IL1RAPL2: variants seen among roughly 807,000 people sequenced by gnomAD.
IL1RAPL2 encodes interleukin 1 receptor accessory protein like 2.
IL1RAPL2 carries 3 observed loss-of-function variants against 44.1 expected under a neutral mutation model. The ratio of observed to expected loss-of-function variants is 0.07; its 90% confidence interval spans 0.03 to 0.18. IL1RAPL2 has a LOEUF of 0.18. Among genes scored for constraint, IL1RAPL2 ranks in the 10% least tolerant of loss-of-function variants. The probability of loss-of-function intolerance (pLI) is 1.00; values close to 1 mark genes in which losing one functional copy is unlikely to be tolerated. For synonymous variants in IL1RAPL2, 181 were observed against 178.8 expected (o/e 1.01, Z -0.10); for missense variants, 391 against 496.4 (o/e 0.79, Z 2.02).
chrX:104,730,572 A>G (rs1931891379), intron 2 of IL1RAPL2, among the ~76,000 whole-genome samples: 1 of 105,229 alleles, frequency 9.5e-6, no homozygotes, highest in Non-Finnish European at 2.0e-5. Context: ...TTATGGCTGC[A>G]TAGTATTCCA....
At chrX:104,973,709 T>A (rs1000447129) in intron 2 of IL1RAPL2, among the ~76,000 whole-genome samples, 6 of 112,018 alleles carry the variant, frequency 5.4e-5, no homozygotes, top group African/African-American at 9.7e-5. Flanking sequence ...ACACAAAAAA[T>A]TTATTTTATA....
chrX:105,009,494 C>G (rs1338825333), intron 2 of IL1RAPL2, among the ~76,000 whole-genome samples: 1 of 104,298 alleles, frequency 9.6e-6, no homozygotes, highest in Non-Finnish European at 1.9e-5. Context: ...CAAACTATCG[C>G]AAGGACAAAA....
At chrX:105,374,814 G>C (rs1478355652) in intron 5 of IL1RAPL2, among the ~76,000 whole-genome samples, 3 of 108,110 alleles carry the variant, frequency 2.8e-5, no homozygotes, top group Non-Finnish European at 5.8e-5. Context: ...CGGGCGCGGT[G>C]GTGGGCACCT....
At chrX:105,394,202 C>A (rs1260319775) in intron 5 of IL1RAPL2, among the ~76,000 whole-genome samples, 1 of 111,691 alleles carries the variant, frequency 9.0e-6, no homozygotes, top group Non-Finnish European at 1.9e-5. Context: ...ATGAAAGTAG[C>A]CATTAGAAAA....
At chrX:104,641,373 G>C (rs914533237) in intron 1 of IL1RAPL2, among the ~76,000 whole-genome samples, 1 of 111,487 alleles carries the variant, frequency 9.0e-6, no homozygotes, top group African/African-American at 3.3e-5. Flanking sequence ...CTAATGGTGA[G>C]AGATGGTACC....
intron 6 of IL1RAPL2, among the ~76,000 whole-genome samples, chrX:105,675,133 C>A (rs756152577): frequency 9.0e-5 from 10 of 111,241 alleles, no homozygotes; most frequent in Non-Finnish European, 1.7e-4. Context: ...TTCCTCCCTT[C>A]CGATTTGAAT....
chrX:105,675,742 C>T lies in IL1RAPL2; in HGVS notation c.773-41625C>T, dbSNP rs1314716135. 4.5e-5 allele frequency among the ~76,000 whole-genome samples: 5 copies of T among 111,216 alleles called. No individual in the cohort carries two copies. The East Asian group carries it at 1.4e-3, about 31-fold the overall frequency. ...GTAGTTTCAGAAGAAATGGTATCAGCTCCTCTTTATATTTATGGTAGAATT... is the reference window on the plus strand; with the variant it reads ...GTAGTTTCAGAAGAAATGGTATCAGTTCCTCTTTATATTTATGGTAGAATT... On this transcript the variant is annotated intron_variant, in intron 6 of 10. Coordinates refer to ENST00000372582, the MANE Select transcript of IL1RAPL2 (RefSeq NM_017416.2).
chrX:104,872,310 T>C (rs1240869041), intron 2 of IL1RAPL2, among the ~76,000 whole-genome samples: 1 of 111,822 alleles, frequency 8.9e-6, no homozygotes, highest in African/African-American at 3.2e-5. Context: ...AGTTTCAACC[T>C]TTCTGGGACC....
intron 2 of IL1RAPL2, among the ~76,000 whole-genome samples, chrX:105,032,186 T>C (rs1360998982): frequency 9.0e-6 from 1 of 110,676 alleles, no homozygotes; most frequent in East Asian, 2.8e-4. Context: ...AGCCCCTGGA[T>C]TCATTAATTT....
intron 2 of IL1RAPL2, among the ~76,000 whole-genome samples, chrX:105,119,620 T>G (rs944182535): frequency 0.18 from 9 of 51 alleles, no homozygotes; most frequent in African/African-American, 0.39. Flanking sequence ...CTATTTAGTC[T>G]TTGTTTTCTC....
At chrX:105,345,916 G>A (rs1198803957) in intron 5 of IL1RAPL2, among the ~76,000 whole-genome samples, 1 of 111,597 alleles carries the variant, frequency 9.0e-6, no homozygotes, top group Admixed American at 9.6e-5. Context: ...CATACCAACA[G>A]TATAATAAAA....
chrX:105,237,406 T>C (rs1271877204), intron 4 of IL1RAPL2, among the ~76,000 whole-genome samples: 2 of 112,070 alleles, frequency 1.8e-5, no homozygotes, highest in Non-Finnish European at 3.8e-5. Context: ...TCTAGATCCC[T>C]GAGGAATCGC....
chrX:104,662,943 C>T (rs1168579003), intron 2 of IL1RAPL2, among the ~76,000 whole-genome samples: 1 of 111,703 alleles, frequency 9.0e-6, no homozygotes, highest in African/African-American at 3.3e-5. Context: ...AGCACAAAAA[C>T]TTCTCAGTGT....
At chrX:105,751,293 A>G (rs1025235796) in intron 9 of IL1RAPL2, among the ~76,000 whole-genome samples, 2 of 110,404 alleles carry the variant, frequency 1.8e-5, no homozygotes, top group Non-Finnish European at 3.8e-5. Context: ...AAAAGAATAA[A>G]ATAAATAAAA....
intron 5 of IL1RAPL2, among the ~76,000 whole-genome samples, chrX:105,459,994 A>G: frequency 9.0e-6 from 1 of 111,488 alleles, no homozygotes; most frequent in East Asian, 2.8e-4. Flanking sequence ...CTAAATCAGG[A>G]TGCCACAATT....
chrX:105,236,412 A>T (rs1471338679), intron 4 of IL1RAPL2, among the ~76,000 whole-genome samples: 1 of 112,399 alleles, frequency 8.9e-6, no homozygotes, highest in Non-Finnish European at 1.9e-5. Context: ...ATGTTAGCTA[A>T]CATTTCCTAA....
intron 6 of IL1RAPL2, among the ~76,000 whole-genome samples, chrX:105,568,935 G>T (rs2036994684): frequency 1.8e-5 from 2 of 111,724 alleles, no homozygotes; most frequent in African/African-American, 6.5e-5. Flanking sequence ...GATTTCTGGA[G>T]TACCATCACT....
At chrX:104,693,349 C>T (rs1047244344) in intron 2 of IL1RAPL2, among the ~76,000 whole-genome samples, 20 of 111,675 alleles carry the variant, frequency 1.8e-4, no homozygotes, top group African/African-American at 6.2e-4. Flanking sequence ...GAACCCTCTA[C>T]CCTGTCTATC....
chrX:105,075,611 G>A (rs1179179628), intron 2 of IL1RAPL2, among the ~76,000 whole-genome samples: 1 of 112,033 alleles, frequency 8.9e-6, no homozygotes, highest in Non-Finnish European at 1.9e-5. Flanking sequence ...AGTTTCAGAA[G>A]GAATGGTACC....
Sources: gnomAD v4.1 joint callset for allele counts (sites outside exome capture counted in the v4.1 genomes callset) on GRCh38, gnomAD v4.1.1 for gene constraint, MANE v1.5 for transcripts, NCBI Gene and HGNC (gene_info 2026-07-23, HGNC 2026-07-21) for gene names.